The following ZNF804A variants were observed in gnomAD, a reference collection of about 807,000 sequenced individuals.
ZNF804A encodes the protein zinc finger protein 804A.
Under a neutral mutation model 16.5 loss-of-function variants are expected in ZNF804A, and 2 were observed. That is an observed-to-expected ratio of 0.12 (90% CI 0.05 to 0.38). The LOEUF (loss-of-function observed/expected upper bound fraction) is 0.38, where lower values mean the gene tolerates loss of function less well. Ranked by LOEUF, ZNF804A falls within the 10% of genes least tolerant of loss-of-function variation. ZNF804A has a pLI of 0.99. For synonymous variants in ZNF804A, 534 were observed against 489.6 expected (o/e 1.09, Z -1.20); for missense variants, 1,473 against 1,390.7 (o/e 1.06, Z -0.94).
At chr2:184,796,518 T>C (rs1694631070) in intron 1 of ZNF804A, among the ~76,000 whole-genome samples, 1 of 152,194 alleles carries the variant, frequency 6.6e-6, no homozygotes, top group Non-Finnish European at 1.5e-5. Context: ...TGCATAAAAG[T>C]GTTCATAGTG....
At chr2:184,857,768 A>G (rs1190566832) in intron 1 of ZNF804A, among the ~76,000 whole-genome samples, 3 of 152,164 alleles carry the variant, frequency 2.0e-5, no homozygotes, top group Admixed American at 2.0e-4. Flanking sequence ...TGTCTTATCT[A>G]AGTATAGCTA....
chr2:184,645,013 T>C (rs1373124107), intron 1 of ZNF804A, among the ~76,000 whole-genome samples: 2 of 152,142 alleles, frequency 1.3e-5, no homozygotes, highest in Admixed American at 6.5e-5. Flanking sequence ...ATCACCTGCT[T>C]GTAGTGTAAT....
At chr2:184,652,710 G>A (rs1244692533) in intron 1 of ZNF804A, among the ~76,000 whole-genome samples, 2 of 151,898 alleles carry the variant, frequency 1.3e-5, no homozygotes, top group South Asian at 2.1e-4. Flanking sequence ...TTTCTATATG[G>A]TTCGGCTGTG....
At chr2:184,867,128 C>T (rs1695889062) in intron 2 of ZNF804A, among the ~76,000 whole-genome samples, 1 of 151,404 alleles carries the variant, frequency 6.6e-6, no homozygotes, top group Non-Finnish European at 1.5e-5. Context: ...ATTATAAATC[C>T]TAGATTTTTC....
At chr2:184,872,943 A>G (rs994999261) in intron 2 of ZNF804A, among the ~76,000 whole-genome samples, 1 of 152,214 alleles carries the variant, frequency 6.6e-6, no homozygotes, top group African/African-American at 2.4e-5. Context: ...CAAAGATTAT[A>G]TTTAGAAATT....
intron 1 of ZNF804A, among the ~76,000 whole-genome samples, chr2:184,759,216 G>T (rs1052959771): frequency 7.4e-5 from 11 of 148,728 alleles, no homozygotes; most frequent in Non-Finnish European, 1.2e-4. Flanking sequence ...ATTCATTATT[G>T]AAAAAAAAAT....
At chr2:184,668,201 G>A (rs1360406885) in intron 1 of ZNF804A, among the ~76,000 whole-genome samples, 3 of 151,770 alleles carry the variant, frequency 2.0e-5, no homozygotes, top group South Asian at 2.1e-4. Context: ...AGCATACAAT[G>A]TGATGTTTTG....
intron 1 of ZNF804A, among the ~76,000 whole-genome samples, chr2:184,762,234 A>G (rs1387981259): frequency 7.3e-6 from 1 of 136,224 alleles, no homozygotes; most frequent in African/African-American, 2.8e-5. Flanking sequence ...GCCTATGGTT[A>G]TATTCATTCA....
chr2:184,645,811 A>G (rs1574145088), intron 1 of ZNF804A, among the ~76,000 whole-genome samples: 1 of 152,294 alleles, frequency 6.6e-6, no homozygotes, highest in East Asian at 1.9e-4. Flanking sequence ...ATTGTGAAGG[A>G]CATCCCAGGT....
chr2:184,723,446 G>A (rs1335980234), intron 1 of ZNF804A, among the ~76,000 whole-genome samples: 4 of 151,432 alleles, frequency 2.6e-5, no homozygotes, highest in Non-Finnish European at 5.9e-5. Context: ...AGTATATTTG[G>A]ATTAAAATGT....
At chr2:184,860,047 T>G (rs1381411759) in intron 1 of ZNF804A, among the ~76,000 whole-genome samples, 1 of 152,218 alleles carries the variant, frequency 6.6e-6, no homozygotes, top group African/African-American at 2.4e-5. Flanking sequence ...CCATGAGGAC[T>G]GGCTTGGAAC....
At chr2:184,817,858 A>G (rs1035480232) in intron 1 of ZNF804A, among the ~76,000 whole-genome samples, 2 of 152,044 alleles carry the variant, frequency 1.3e-5, no homozygotes, top group African/African-American at 4.8e-5. Context: ...AGGACAGAGG[A>G]AAAAAGAATG....
chr2:184,912,861 A>T (rs1227317173), intron 2 of ZNF804A, among the ~76,000 whole-genome samples: 1 of 152,042 alleles, frequency 6.6e-6, no homozygotes, highest in Non-Finnish European at 1.5e-5. Flanking sequence ...TTTGCAAACA[A>T]TCCACCTATT....
chr2:184,628,001 T>A (rs1375914916), intron 1 of ZNF804A, among the ~76,000 whole-genome samples: 1 of 152,164 alleles, frequency 6.6e-6, no homozygotes, highest in Non-Finnish European at 1.5e-5. Flanking sequence ...AAGAACAAAA[T>A]TTAGTAAGTT....
At chr2:184,779,981 T>C (rs971545867) in intron 1 of ZNF804A, among the ~76,000 whole-genome samples, 1 of 151,752 alleles carries the variant, frequency 6.6e-6, no homozygotes, top group Non-Finnish European at 1.5e-5. Flanking sequence ...AATTTCGCAA[T>C]AATTTTTGTA....
chr2:184,937,617 C>G lies in ZNF804A; in HGVS notation c.2221C>G (p.Leu741Val), dbSNP rs1421358722. The change falls in exon 4 of 4, where the codon CTT becomes GTT. Residue 741 changes from leucine (L) to valine (V), a missense_variant. Transcript: ENST00000302277. ...SCSQDHRSLV[L>V]QNDMKHMSQN... ...TAGTCAGGATCACAGAAGCTTAGTT[C>G]TTCAAAATGATATGAAACACATGAG... The G allele has an allele frequency of 1.2e-6, 2 of 1,613,644 alleles. No homozygotes were observed. The highest frequency in any genetic ancestry group is 1.7e-6 in the Non-Finnish European group (2 of 1,179,890).
intron 2 of ZNF804A, among the ~76,000 whole-genome samples, chr2:184,919,432 C>A (rs1685498083): frequency 6.6e-6 from 1 of 152,160 alleles, no homozygotes; most frequent in Non-Finnish European, 1.5e-5. Flanking sequence ...GACCCCTGTT[C>A]CTGCCACCAT....
chr2:184,685,328 G>A (rs373279520), intron 1 of ZNF804A, among the ~76,000 whole-genome samples: 12 of 152,136 alleles, frequency 7.9e-5, no homozygotes, highest in African/African-American at 2.9e-4. Flanking sequence ...TGTCACAGCC[G>A]TGGCTCAGAG....
At chr2:184,673,050 A>G (rs981395122) in intron 1 of ZNF804A, among the ~76,000 whole-genome samples, 5 of 152,144 alleles carry the variant, frequency 3.3e-5, no homozygotes, top group Non-Finnish European at 7.4e-5. Context: ...TAGGAAAAGC[A>G]AGAAAATTAC....
Sources: gnomAD v4.1 joint callset for allele counts (sites outside exome capture counted in the v4.1 genomes callset) on GRCh38, gnomAD v4.1.1 for gene constraint, MANE v1.5 for transcripts, NCBI Gene and HGNC (gene_info 2026-07-23, HGNC 2026-07-21) for gene names.